PGM5: variants seen among roughly 807,000 people sequenced by gnomAD.
The protein encoded by PGM5 is phosphoglucomutase 5, also known as phosphoglucomutase-like protein 5.
PGM5 carries 23 observed loss-of-function variants against 59.2 expected under a neutral mutation model. That is an observed-to-expected ratio of 0.39 (90% CI 0.28 to 0.55). The LOEUF (loss-of-function observed/expected upper bound fraction) is 0.55, where lower values mean the gene tolerates loss of function less well. Among genes scored for constraint, PGM5 ranks in the 20% least tolerant of loss-of-function variants. PGM5 has a pLI of 0.66. For synonymous variants in PGM5, 214 were observed against 286.0 expected (o/e 0.75, Z 2.54); for missense variants, 574 against 748.3 (o/e 0.77, Z 2.72).
intron 9 of PGM5, among the ~76,000 whole-genome samples, chr9:68,493,610 C>A (rs75714678): frequency 6.6e-6 from 1 of 152,296 alleles, no homozygotes; most frequent in East Asian, 1.9e-4. Context: ...ATGTTAAGAT[C>A]TGACACTCAC....
At chr9:68,413,007 G>A (rs1587800174) in intron 6 of PGM5, among the ~76,000 whole-genome samples, 5 of 152,272 alleles carry the variant, frequency 3.3e-5, no homozygotes, top group South Asian at 2.1e-4. Context: ...AGATTGATGT[G>A]GTAGGAAACC....
chr9:68,400,077 G>T (rs1488893275), intron 6 of PGM5, among the ~76,000 whole-genome samples: 3 of 151,896 alleles, frequency 2.0e-5, no homozygotes, highest in Non-Finnish European at 4.4e-5. Context: ...TTGGACTATT[G>T]TAATAGTCAA....
chr9:68,489,344 G>T (rs1287537918), intron 9 of PGM5, among the ~76,000 whole-genome samples: 1 of 152,146 alleles, frequency 6.6e-6, no homozygotes, highest in Non-Finnish European at 1.5e-5. Context: ...TTGAAAACTG[G>T]ATTTGAAATG....
intron 6 of PGM5, 134 bp downstream of exon 6, chr9:68,392,607 T>C: frequency 1.4e-6 from 2 of 1,408,012 alleles, no homozygotes; most frequent in Non-Finnish European, 1.9e-6. Flanking sequence ...CGGTATAGTG[T>C]ACTGGGTAGA....
chr9:68,488,008 T>A (rs1824325134), intron 9 of PGM5, among the ~76,000 whole-genome samples: 1 of 152,164 alleles, frequency 6.6e-6, no homozygotes, highest in Non-Finnish European at 1.5e-5. Flanking sequence ...GAGAATTAAG[T>A]GAGATGACAC....
chr9:68,448,352 A>T (rs1345156358), intron 6 of PGM5, among the ~76,000 whole-genome samples: 1 of 152,084 alleles, frequency 6.6e-6, no homozygotes, highest in Non-Finnish European at 1.5e-5. Context: ...GTTTGGGGAG[A>T]CACTTAGGGA....
chr9:68,526,457 G>A (rs1824976226), intron 10 of PGM5, among the ~76,000 whole-genome samples: 1 of 152,214 alleles, frequency 6.6e-6, no homozygotes, highest in Non-Finnish European at 1.5e-5. Context: ...GATGAATCCA[G>A]AAACAGAGTT....
intron 6 of PGM5, among the ~76,000 whole-genome samples, chr9:68,407,226 C>G (rs1471571996): frequency 6.6e-6 from 1 of 152,178 alleles, no homozygotes; most frequent in African/African-American, 2.4e-5. Context: ...CTTCCAGGCT[C>G]AAGTGATCCT....
At chr9:68,422,838 A>C (rs1436328332) in intron 6 of PGM5, among the ~76,000 whole-genome samples, 1 of 152,166 alleles carries the variant, frequency 6.6e-6, no homozygotes, top group Non-Finnish European at 1.5e-5. Flanking sequence ...AGCAGTACAC[A>C]GTGCATGCTA....
intron 6 of PGM5, among the ~76,000 whole-genome samples, chr9:68,393,379 A>G (rs1323070763): frequency 6.6e-6 from 1 of 151,528 alleles, no homozygotes; most frequent in East Asian, 1.9e-4. Flanking sequence ...GCCTGTGATA[A>G]TACCAAAGAC....
intron 6 of PGM5, among the ~76,000 whole-genome samples, chr9:68,412,596 A>C (rs1473721000): frequency 6.6e-6 from 1 of 152,214 alleles, no homozygotes; most frequent in East Asian, 1.9e-4. Context: ...TTTCTAGATC[A>C]TCTCAGGGCT....
intron 6 of PGM5, among the ~76,000 whole-genome samples, chr9:68,411,646 G>A (rs1336235891): frequency 4.6e-5 from 7 of 151,998 alleles, no homozygotes; most frequent in Admixed American, 4.6e-4. Flanking sequence ...CCTTCTCTGG[G>A]TCAGATAGTG....
At chr9:68,499,498 C>A in intron 10 of PGM5, 137 bp downstream of exon 10, 2 of 841,494 alleles carry the variant, frequency 2.4e-6, no homozygotes, top group Non-Finnish European at 3.6e-6. Context: ...AAGCTCAGGG[C>A]AACTCCAAGC....
chr9:68,476,343 C>T (rs1554686627), intron 7 of PGM5, among the ~76,000 whole-genome samples: 1 of 152,118 alleles, frequency 6.6e-6, no homozygotes, highest in South Asian at 2.1e-4. Context: ...TGAGGTTTCT[C>T]TTTTTCTTAT....
chr9:68,408,607 T>C (rs1280396511), intron 6 of PGM5, among the ~76,000 whole-genome samples: 1 of 152,312 alleles, frequency 6.6e-6, no homozygotes, highest in Non-Finnish European at 1.5e-5. Flanking sequence ...TTTTGGCTTT[T>C]CTTGCCATTG....
intron 9 of PGM5, among the ~76,000 whole-genome samples, chr9:68,490,357 T>C (rs4745047): frequency 0.18 from 27,306 of 152,234 alleles, 2,779 homozygotes; most frequent in East Asian, 0.41. Flanking sequence ...GTTTTGTTTT[T>C]TGTTTTTTGA....
chr9:68,399,088 T>C (rs1184977499), intron 6 of PGM5: 1 of 152,202 alleles, frequency 6.6e-6, no homozygotes, highest in Non-Finnish European at 1.5e-5. Context: ...CTTACCTTTT[T>C]TTCCACTAAA....
chr9:68,500,645 G>A (rs1465434392), intron 10 of PGM5, among the ~76,000 whole-genome samples: 1 of 152,140 alleles, frequency 6.6e-6, no homozygotes, highest in Non-Finnish European at 1.5e-5. Context: ...AGAATTTGGG[G>A]CTTACCCTGT....
intron 1 of PGM5, among the ~76,000 whole-genome samples, chr9:68,360,863 GT>G (rs1251850261): frequency 1.3e-5 from 2 of 151,746 alleles, no homozygotes; most frequent in East Asian, 1.9e-4. Flanking sequence ...ATAAAAAATG[GT>G]TTTTTTATAT....
Sources: gnomAD v4.1 joint callset for allele counts (sites outside exome capture counted in the v4.1 genomes callset) on GRCh38, gnomAD v4.1.1 for gene constraint, MANE v1.5 for transcripts, NCBI Gene and HGNC (gene_info 2026-07-23, HGNC 2026-07-21) for gene names.